Variants in IL13RA1 observed in about 807,000 individuals in gnomAD.
The protein encoded by IL13RA1 is interleukin 13 receptor subunit alpha 1, also known as interleukin-13 receptor subunit alpha-1.
Under a neutral mutation model 33.8 loss-of-function variants are expected in IL13RA1, and 14 were observed. That is an observed-to-expected ratio of 0.41 (90% CI 0.27 to 0.65). IL13RA1 has a LOEUF of 0.65. Among genes scored for constraint, IL13RA1 ranks in the 30% least tolerant of loss-of-function variants. The pLI is 0.28. For synonymous variants in IL13RA1, 116 were observed against 115.7 expected (o/e 1.00, Z -0.02); for missense variants, 313 against 327.0 (o/e 0.96, Z 0.33).
At position 118,792,496 on chromosome X, in the gene IL13RA1, A is replaced by G. The variant is rs1158672668; in HGVS notation, c.*642A>G. 9.0e-6 allele frequency: 1 copy of G among 111,085 alleles called. No homozygotes were observed. The highest frequency in any genetic ancestry group is 1.9e-5 in the Non-Finnish European group (1 of 53,018). The allele number at this position is 111,085 out of a possible 1,213,427, so 9.2% of individuals were successfully genotyped here. A position where few individuals can be genotyped will look rare whatever the true frequency, so the allele number is the denominator to read the frequency against. ...CCTCCTCTCTACTAAAACTACAAAA[A>G]TTAACTGGGTGTGGTGGCGCGTGCC... is the stretch of plus-strand genomic sequence containing the variant. On this transcript the variant is annotated 3_prime_UTR_variant, in exon 11 of 11. Coordinates refer to ENST00000371666, the MANE Select transcript of IL13RA1 (RefSeq NM_001560.3).
intron 10 of IL13RA1, among the ~76,000 whole-genome samples, chrX:118,782,878 A>G (rs2017861641): frequency 9.0e-6 from 1 of 111,089 alleles, no homozygotes; most frequent in African/African-American, 3.3e-5. Flanking sequence ...CTGGGATTAC[A>G]GGCATGAGCT....
intron 9 of IL13RA1, among the ~76,000 whole-genome samples, chrX:118,776,144 C>A (rs1458537940): frequency 8.9e-6 from 1 of 111,930 alleles, no homozygotes; most frequent in Non-Finnish European, 1.9e-5. Flanking sequence ...CCCATCTGGT[C>A]TGTTAAAAGT....
intron 4 of IL13RA1, among the ~76,000 whole-genome samples, chrX:118,753,347 C>G (rs1240082622): frequency 8.9e-6 from 1 of 112,703 alleles, no homozygotes; most frequent in East Asian, 2.8e-4. Context: ...AAAAGCATTC[C>G]TCTTCCTCTG....
intron 4 of IL13RA1, among the ~76,000 whole-genome samples, chrX:118,755,456 T>C (rs1370366062): frequency 9.0e-6 from 1 of 110,648 alleles, no homozygotes; most frequent in Non-Finnish European, 1.9e-5. Context: ...AATTTCCTTC[T>C]CATATCTGCA....
At chrX:118,731,186 C>T (rs1421552587) in intron 1 of IL13RA1, among the ~76,000 whole-genome samples, 1 of 111,719 alleles carries the variant, frequency 9.0e-6, no homozygotes. Flanking sequence ...ATCCCCAAGA[C>T]ATGGTTGAAA....
Position 118,742,612 on chromosome X carries a change from T to C in IL13RA1, c.228+1456T>C, listed in dbSNP as rs181988842. On this transcript the variant is annotated intron_variant, in intron 2 of 10. Transcript: ENST00000371666. ...ATGTGCAGAAATCTAGAGTTAAATG[T>C]AACTTTAGGAGACAGTAGAATCAGA... Among the ~76,000 whole-genome samples, 6 of 112,254 alleles carry C rather than the reference T, an allele frequency of 5.3e-5. No individual in the cohort carries two copies. The Admixed American group carries it at 5.7e-4, about 11-fold the overall frequency.
intron 8 of IL13RA1, chrX:118,770,332 C>T (rs1235780129): frequency 1.1e-5 from 4 of 354,991 alleles, no homozygotes; most frequent in African/African-American, 7.8e-5. Flanking sequence ...GCGAGCCCTA[C>T]GTGGAGGTGC....
At chrX:118,791,103 G>A (rs1603224497) in intron 10 of IL13RA1, among the ~76,000 whole-genome samples, 1 of 111,001 alleles carries the variant, frequency 9.0e-6, no homozygotes, top group African/African-American at 3.3e-5. Context: ...AGAGGACCGA[G>A]CTCATGTTTC....
At position 118,766,831 on chromosome X, in the gene IL13RA1, T is replaced by C. The variant is rs746505514; in HGVS notation, c.877-13T>C. On this transcript the variant is annotated splice_polypyrimidine_tract_variant and intron_variant, in intron 7 of 10. Coordinates refer to ENST00000371666, the MANE Select transcript of IL13RA1 (RefSeq NM_001560.3). Reference sequence around the variant, plus strand: ...TGGTAATATTCCTTGTGTATTTTTATTTTATGCCTAAGAATACATCTTGTT... The same window carrying C: ...TGGTAATATTCCTTGTGTATTTTTACTTTATGCCTAAGAATACATCTTGTT... 8.2e-6 allele frequency: 8 copies of C among 972,749 alleles called. No individual in the cohort carries two copies. The highest frequency in any genetic ancestry group is 1.0e-5 in the Non-Finnish European group (7 of 699,928). 80.2% of individuals were successfully genotyped at this position (972,749 alleles called of 1,213,427 possible).
rs2018005547 is a variant in IL13RA1, at chrX:118,794,004, A to C, written c.*2150A>C. 8.9e-6 allele frequency: 1 copy of C among 112,085 alleles called. No individual in the cohort carries two copies. 9.2% of individuals were successfully genotyped at this position (112,085 alleles called of 1,213,427 possible). On this transcript the variant is annotated 3_prime_UTR_variant, in exon 11 of 11. Transcript: ENST00000371666. Reference sequence around the variant, plus strand: ...TTCCAGGTATTTTATAATTCTGGGAAGCAAAACCCATGCCTCCCCCTAGCC... The same window carrying C: ...TTCCAGGTATTTTATAATTCTGGGACGCAAAACCCATGCCTCCCCCTAGCC...
In IL13RA1 at chrX:118,794,019, T is replaced by A. The variant is rs766140959; in HGVS notation, c.*2165T>A. Reference sequence around the variant, plus strand: ...AATTCTGGGAAGCAAAACCCATGCCTCCCCCTAGCCATTTTTACTGTTATC... The same window carrying A: ...AATTCTGGGAAGCAAAACCCATGCCACCCCCTAGCCATTTTTACTGTTATC... On this transcript the variant is annotated 3_prime_UTR_variant, in exon 11 of 11. Transcript: ENST00000371666. The A allele has an allele frequency of 2.7e-5, 3 of 112,010 alleles. No homozygotes were observed. The highest frequency in any genetic ancestry group is 5.6e-5 in the Non-Finnish European group (3 of 53,153). 9.2% of individuals were successfully genotyped at this position (112,010 alleles called of 1,213,427 possible).
At chrX:118,800,412 C>A in the IL13RA1 span, among the ~76,000 whole-genome samples, 5 of 110,902 alleles carry the variant, frequency 4.5e-5, no homozygotes, top group Middle Eastern at 4.6e-3. Flanking sequence ...GACCACGAGC[C>A]CACCGGGAGG....
intron 2 of IL13RA1, among the ~76,000 whole-genome samples, chrX:118,742,319 C>G (rs1267907892): frequency 3.6e-5 from 4 of 112,229 alleles, no homozygotes; most frequent in Non-Finnish European, 7.5e-5. Flanking sequence ...TGGAGTTTGC[C>G]TTTACATACT....
intron 1 of IL13RA1, among the ~76,000 whole-genome samples, chrX:118,739,075 A>G (rs2017314926): frequency 8.9e-6 from 1 of 111,928 alleles, no homozygotes; most frequent in African/African-American, 3.2e-5. Context: ...GGCGTGAACC[A>G]CTGTGCCTGG....
intron 3 of IL13RA1, 119 bp from the exon 4 acceptor site, chrX:118,749,539 G>C (rs1175129722): frequency 1.5e-6 from 1 of 677,386 alleles, no homozygotes; most frequent in Non-Finnish European, 2.3e-6. Context: ...GAGAGATGAA[G>C]CATTTGCTTT....
At chrX:118,798,473 G>A (rs928884514), downstream of IL13RA1, among the ~76,000 whole-genome samples, 21 of 111,627 alleles carry the variant, frequency 1.9e-4, no homozygotes, top group South Asian at 3.7e-4. Context: ...GATCAAACAT[G>A]TTAGGTAATC....
intron 10 of IL13RA1, among the ~76,000 whole-genome samples, chrX:118,782,939 T>C (rs1293556872): frequency 9.2e-6 from 1 of 108,783 alleles, no homozygotes; most frequent in East Asian, 2.9e-4. Flanking sequence ...GATTTTAAGG[T>C]GTGGAGATCT....
chrX:118,741,261 T>A (rs774453540), intron 2 of IL13RA1, 105 bp downstream of exon 2: 56 of 537,861 alleles, frequency 1.0e-4, no homozygotes, highest in Middle Eastern at 3.4e-4. Flanking sequence ...GAAATTGTAT[T>A]TTAGGGTGTG....
chrX:118,755,834 C>T (rs911005546), intron 4 of IL13RA1, among the ~76,000 whole-genome samples: 6 of 111,977 alleles, frequency 5.4e-5, no homozygotes, highest in Non-Finnish European at 1.1e-4. Flanking sequence ...ACAGTCTGAT[C>T]CAAAAACTAG....
Sources: gnomAD v4.1 joint callset for allele counts (sites outside exome capture counted in the v4.1 genomes callset) on GRCh38, gnomAD v4.1.1 for gene constraint, MANE v1.5 for transcripts, NCBI Gene and HGNC (gene_info 2026-07-23, HGNC 2026-07-21) for gene names.